CNTN5: variants seen among roughly 807,000 people sequenced by gnomAD.
The protein encoded by CNTN5 is contactin-5.
CNTN5 carries 77 observed loss-of-function variants against 129.1 expected under a neutral mutation model. The observed-to-expected ratio is 0.60, with a 90% confidence interval of 0.50 to 0.72. The LOEUF is 0.72. Among genes scored for constraint, CNTN5 ranks in the 30% least tolerant of loss-of-function variants. The pLI is 0.00. For missense variants in CNTN5, 1,478 were observed against 1,328.8 expected (o/e 1.11, Z -1.75); for synonymous variants, 509 against 465.6 (o/e 1.09, Z -1.20).
intron 3 of CNTN5, among the ~76,000 whole-genome samples, chr11:99,610,798 G>C (rs1950571289): frequency 6.6e-6 from 1 of 152,164 alleles, no homozygotes. Context: ...GGGAGCAAGT[G>C]TGAGAGATTT....
At chr11:100,067,371 C>T (rs916342910) in intron 10 of CNTN5, among the ~76,000 whole-genome samples, 1 of 151,652 alleles carries the variant, frequency 6.6e-6, no homozygotes, top group Non-Finnish European at 1.5e-5. Context: ...TTTGGACTTG[C>T]TTGAAAGCTT....
intron 21 of CNTN5, chr11:100,308,802 T>C (rs2138923015): frequency 2.0e-6 from 2 of 990,066 alleles, no homozygotes; most frequent in Non-Finnish European, 2.4e-6. Context: ...TTTCTAATAA[T>C]TTAATGTATA....
chr11:99,531,918 G>T (rs1947722673), intron 2 of CNTN5, among the ~76,000 whole-genome samples: 1 of 152,150 alleles, frequency 6.6e-6, no homozygotes, highest in Admixed American at 6.5e-5. Context: ...ATCTCTGCTA[G>T]GGCAGTGCAA....
intron 13 of CNTN5, among the ~76,000 whole-genome samples, chr11:100,111,735 C>A (rs1287415583): frequency 6.6e-6 from 1 of 152,082 alleles, no homozygotes; most frequent in Non-Finnish European, 1.5e-5. Flanking sequence ...TAGAGAAGAT[C>A]TCTAGATCTC....
At chr11:100,136,239 T>C (rs1946520706) in intron 13 of CNTN5, among the ~76,000 whole-genome samples, 1 of 123,338 alleles carries the variant, frequency 8.1e-6, no homozygotes. Flanking sequence ...TTGAATATGG[T>C]ATTCAAGGCT....
intron 3 of CNTN5, among the ~76,000 whole-genome samples, chr11:99,696,585 G>A (rs752544972): frequency 6.6e-6 from 1 of 151,632 alleles, no homozygotes; most frequent in African/African-American, 2.4e-5. Flanking sequence ...TGTCAGTTAT[G>A]GGATGAAGAC....
chr11:99,433,421 G>C (rs936833418), intron 2 of CNTN5, among the ~76,000 whole-genome samples: 2 of 132,986 alleles, frequency 1.5e-5, no homozygotes, highest in Non-Finnish European at 3.2e-5. Context: ...GTGTGTGTGT[G>C]TCTATGTTAT....
chr11:99,131,973 C>T (rs1467844063), intron 1 of CNTN5, among the ~76,000 whole-genome samples: 2 of 152,104 alleles, frequency 1.3e-5, no homozygotes, highest in Non-Finnish European at 2.9e-5. Flanking sequence ...GCCGACATCC[C>T]TGATGAACAT....
chr11:99,201,245 C>T (rs1859167551), intron 1 of CNTN5, among the ~76,000 whole-genome samples: 2 of 151,512 alleles, frequency 1.3e-5, no homozygotes, highest in African/African-American at 4.8e-5. Flanking sequence ...AGGCTGGTCT[C>T]AAGCTCCTGA....
At chr11:99,994,252 A>G (rs1233946573) in intron 8 of CNTN5, among the ~76,000 whole-genome samples, 1 of 152,100 alleles carries the variant, frequency 6.6e-6, no homozygotes, top group African/African-American at 2.4e-5. Flanking sequence ...ATATCAGTCA[A>G]TAGTGTCATT....
chr11:99,039,852 A>G (rs1863918727), intron 1 of CNTN5, among the ~76,000 whole-genome samples: 1 of 152,200 alleles, frequency 6.6e-6, no homozygotes, highest in African/African-American at 2.4e-5. Flanking sequence ...CTTAGTATTT[A>G]TAAACTTCTA....
At chr11:99,483,043 G>T (rs77267102) in intron 2 of CNTN5, among the ~76,000 whole-genome samples, 2 of 151,720 alleles carry the variant, frequency 1.3e-5, no homozygotes, top group Admixed American at 1.3e-4. Context: ...GCGTGGGGTG[G>T]CCCGTGCCAG....
chr11:100,055,413 ACTTT>A (rs1486686802), intron 9 of CNTN5, among the ~76,000 whole-genome samples: 1 of 151,426 alleles, frequency 6.6e-6, no homozygotes, highest in Non-Finnish European at 1.5e-5. Flanking sequence ...TGCATCTTAA[ACTTT>A]CTTTCTGGAG....
chr11:100,060,937 G>T (rs1943446617), intron 9 of CNTN5, among the ~76,000 whole-genome samples: 1 of 139,476 alleles, frequency 7.2e-6, no homozygotes, highest in Non-Finnish European at 1.6e-5. Flanking sequence ...CACTGCACCT[G>T]GCTAACAATG....
chr11:99,806,975 A>G (rs1175869890), intron 3 of CNTN5, among the ~76,000 whole-genome samples: 2 of 152,160 alleles, frequency 1.3e-5, no homozygotes, highest in Admixed American at 1.3e-4. Context: ...GAAATCCTTA[A>G]TCATCAGTGT....
At chr11:100,030,920 A>G (rs1941675467) in intron 9 of CNTN5, among the ~76,000 whole-genome samples, 1 of 152,174 alleles carries the variant, frequency 6.6e-6, no homozygotes, top group Admixed American at 6.5e-5. Flanking sequence ...CATTTCCCAA[A>G]TACAATTTTT....
chr11:99,764,035 A>G (rs376160891), intron 3 of CNTN5, among the ~76,000 whole-genome samples: 1 of 152,136 alleles, frequency 6.6e-6, no homozygotes, highest in South Asian at 2.1e-4. Context: ...ATACAGTAGT[A>G]TACTGGAAAT....
chr11:99,131,416 C>T (rs988839053), intron 1 of CNTN5, among the ~76,000 whole-genome samples: 4 of 151,682 alleles, frequency 2.6e-5, no homozygotes, highest in African/African-American at 9.7e-5. Context: ...CAGAGTGGAA[C>T]TGAAGGAGAC....
intron 14 of CNTN5, 54 bp from the exon 15 acceptor site, chr11:100,193,434 G>A (rs1397286444): frequency 2.6e-5 from 29 of 1,128,722 alleles, no homozygotes; most frequent in African/African-American, 4.8e-5. Flanking sequence ...AAAATATTAT[G>A]TATGGTAACA....
Sources: allele counts gnomAD v4.1 joint callset (sites outside exome capture counted in the v4.1 genomes callset), GRCh38; gene constraint gnomAD v4.1.1; transcripts MANE v1.5; gene names NCBI Gene and HGNC (gene_info 2026-07-23, HGNC 2026-07-21).